CYFIP1: variants seen among roughly 807,000 people sequenced by gnomAD.
CYFIP1 encodes cytoplasmic FMR1 interacting protein 1, also known as cytoplasmic FMR1-interacting protein 1.
Under a neutral mutation model 163.5 loss-of-function variants are expected in CYFIP1, and 58 were observed. The ratio of observed to expected loss-of-function variants is 0.35; its 90% CI spans 0.29 to 0.44. CYFIP1 has a LOEUF of 0.44. Among genes scored for constraint, CYFIP1 ranks in the 20% least tolerant of loss-of-function variants. The pLI is 1.00. For synonymous variants in CYFIP1, 663 were observed against 660.7 expected (o/e 1.00, Z -0.05); for missense variants, 1,338 against 1,653.8 (o/e 0.81, Z 3.31).
chr15:22,972,362 G>A (rs1374605841), intron 1 of CYFIP1, among the ~76,000 whole-genome samples: 5 of 152,064 alleles, frequency 3.3e-5, no homozygotes, highest in African/African-American at 9.7e-5. Flanking sequence ...GCTTGAACCC[G>A]GGAGGCGGAG....
chr15:22,883,531 G>A (rs141257850), intron 23 of CYFIP1, among the ~76,000 whole-genome samples: 3 of 152,262 alleles, frequency 2.0e-5, no homozygotes, highest in African/African-American at 4.8e-5. Context: ...AAAAAAGCAG[G>A]TTTAGGCCAG....
intron 1 of CYFIP1, among the ~76,000 whole-genome samples, chr15:22,951,083 G>C (rs1044739182): frequency 6.6e-6 from 1 of 152,102 alleles, no homozygotes; most frequent in Non-Finnish European, 1.5e-5. Context: ...TCCACGCGGG[G>C]TGTTGGGCCG....
chr15:22,923,660 A>G (rs1213610324), intron 13 of CYFIP1, among the ~76,000 whole-genome samples: 1 of 152,184 alleles, frequency 6.6e-6, no homozygotes, highest in African/African-American at 2.4e-5. Context: ...GAAAGCTCAT[A>G]GAGGCTGGGC....
intron 17 of CYFIP1, 198 bp from the exon 18 acceptor site, chr15:22,912,473 G>A (rs1056074783): frequency 1.0e-5 from 5 of 501,606 alleles, no homozygotes; most frequent in East Asian, 3.3e-5. Context: ...ACCAGGCTGC[G>A]AGGATGCTTG....
At chr15:22,927,301 G>GA (rs905565126) in intron 12 of CYFIP1, among the ~76,000 whole-genome samples, 2 of 151,998 alleles carry the variant, frequency 1.3e-5, no homozygotes, top group African/African-American at 4.8e-5. Context: ...CCAACATGGT[G>GA]AAATACCATC....
intron 1 of CYFIP1, among the ~76,000 whole-genome samples, chr15:22,971,614 T>C (rs1161727369): frequency 1.3e-5 from 2 of 150,562 alleles, no homozygotes; most frequent in Middle Eastern, 3.2e-3. Flanking sequence ...AGGCAGAGGT[T>C]GCGGTGAGCC....
chr15:22,947,278 G>C lies in CYFIP1; in HGVS notation c.8C>G (p.Ala3Gly). Residue 3 changes from alanine (A) to glycine (G), a missense_variant, in exon 2 of 31, where the codon GCC becomes GGC. By Grantham distance (60) the Ala-to-Gly change is moderately conservative (BLOSUM62 0). Transcript: ENST00000617928. ...CAGCGCGTCCTCCAGAGTCACCTGG[G>C]CCGCCATCCTGGGCTGGAACAACAC... MA[A>G]QVTLEDALSN... 6.2e-7 allele frequency: 1 copy of C among 1,613,810 alleles called. No homozygotes were observed. The highest frequency in any genetic ancestry group is 8.5e-7 in the Non-Finnish European group (1 of 1,179,846).
chr15:22,962,980 T>C lies in CYFIP1; in HGVS notation c.-6-15689A>G, dbSNP rs924028842. Among the ~76,000 whole-genome samples, 3 of 152,220 alleles carry C rather than the reference T, an allele frequency of 2.0e-5. No individual in the cohort carries two copies. The East Asian group carries it at 5.8e-4, about 29-fold the overall frequency. On this transcript the variant is annotated intron_variant, in intron 1 of 30. Coordinates refer to ENST00000617928, the MANE Select transcript of CYFIP1 (RefSeq NM_014608.6). ...GACCTCTGAGGAACATTCTTACACA[T>C]GAATACCTGGGCAACACATGCTCCA...
intron 1 of CYFIP1, among the ~76,000 whole-genome samples, chr15:22,963,444 T>C (rs1204149891): frequency 6.6e-6 from 1 of 151,424 alleles, no homozygotes; most frequent in Non-Finnish European, 1.5e-5. Context: ...GAGCCAAGAC[T>C]GTGCCATTGC....
At chr15:22,887,414 T>A (rs1407481949) in intron 23 of CYFIP1, among the ~76,000 whole-genome samples, 1 of 152,220 alleles carries the variant, frequency 6.6e-6, no homozygotes, top group Non-Finnish European at 1.5e-5. Context: ...AGCAGCACCC[T>A]GGGCTTTATG....
Position 22,918,865 on chromosome 15 carries a change from G to A in CYFIP1, c.1360-7C>T, listed in dbSNP as rs768459696. The A allele has an allele frequency of 6.3e-6, 10 of 1,588,086 alleles. No homozygotes were observed. Among genetic ancestry groups the A allele is most frequent in the Non-Finnish European group, 8.6e-6 (10 of 1,167,408 alleles). Reference sequence around the variant, plus strand: ...CTTTGATCATGGCGATCACCTGCGGGGGACACAGCAACAGGGACGGCCCTT... The same window carrying A: ...CTTTGATCATGGCGATCACCTGCGGAGGACACAGCAACAGGGACGGCCCTT... On this transcript the variant is annotated splice_region_variant and splice_polypyrimidine_tract_variant and intron_variant, in intron 13 of 30. Coordinates refer to ENST00000617928, the MANE Select transcript of CYFIP1 (RefSeq NM_014608.6).
At chr15:22,928,430 A>C (rs2142192638) in intron 11 of CYFIP1, among the ~76,000 whole-genome samples, 1 of 122,920 alleles carries the variant, frequency 8.1e-6, no homozygotes, top group East Asian at 2.6e-4. Flanking sequence ...TAAATAAATA[A>C]ATAAAAAGAA....
intron 1 of CYFIP1, among the ~76,000 whole-genome samples, chr15:22,968,078 G>A (rs2062971631): frequency 6.6e-6 from 1 of 152,130 alleles, no homozygotes; most frequent in African/African-American, 2.4e-5. Flanking sequence ...GGAGGTTGCA[G>A]TGAGCCAAGA....
intron 24 of CYFIP1, 42 bp from the exon 25 acceptor site, chr15:22,881,978 C>G (rs113263793): frequency 1.3e-6 from 2 of 1,571,554 alleles, no homozygotes; most frequent in African/African-American, 2.7e-5. Flanking sequence ...CACCCCACTC[C>G]GCTCTGCTAA....
At chr15:22,890,417 G>C (rs953292841) in intron 23 of CYFIP1, among the ~76,000 whole-genome samples, 3 of 152,126 alleles carry the variant, frequency 2.0e-5, no homozygotes, top group Admixed American at 1.3e-4. Context: ...ACAGGGCTTC[G>C]GGAAGTGAGG....
intron 11 of CYFIP1, among the ~76,000 whole-genome samples, chr15:22,931,701 A>AAAAAAAAAAAAAAAAAC (rs2061542861): frequency 6.6e-6 from 1 of 150,692 alleles, no homozygotes. Flanking sequence ...AAAAAAAAAA[A>AAAAAAAAAAAAAAAAAC]AAAAAAAAAG....
At chr15:22,968,334 A>G (rs1369461071) in intron 1 of CYFIP1, among the ~76,000 whole-genome samples, 1 of 152,128 alleles carries the variant, frequency 6.6e-6, no homozygotes, top group African/African-American at 2.4e-5. Flanking sequence ...TCTGAATGAA[A>G]CAAATTACCC....
At chr15:22,975,463 A>G (rs1281472428) in intron 1 of CYFIP1, among the ~76,000 whole-genome samples, 7 of 147,482 alleles carry the variant, frequency 4.7e-5, no homozygotes, top group Non-Finnish European at 9.0e-5. Flanking sequence ...AAAAAAAAAA[A>G]AAGGTTAAAG....
chr15:22,926,140 A>G (rs1295362517), intron 12 of CYFIP1, 33 bp from the exon 13 acceptor site: 1 of 1,612,684 alleles, frequency 6.2e-7, no homozygotes, highest in Non-Finnish European at 8.5e-7. Context: ...GGTGTTCCAT[A>G]TTGCATGCAA....
Sources: gnomAD v4.1 joint callset for allele counts (sites outside exome capture counted in the v4.1 genomes callset) on GRCh38, gnomAD v4.1.1 for gene constraint, MANE v1.5 for transcripts, NCBI Gene and HGNC (gene_info 2026-07-23, HGNC 2026-07-21) for gene names.